The following RAB38 variants were observed in gnomAD, a reference collection of about 807,000 sequenced individuals.
RAB38 encodes ras-related protein Rab-38.
In RAB38, 15 loss-of-function variants were observed where a neutral mutation model predicts 18.4. The ratio of observed to expected loss-of-function variants is 0.82; its 90% CI spans 0.55 to 1.26. The LOEUF (loss-of-function observed/expected upper bound fraction) is 1.26, where lower values mean the gene tolerates loss of function less well. RAB38 is among the 50% of genes most tolerant of loss of function. The probability of loss-of-function intolerance (pLI) is 0.00; values close to 1 mark genes in which losing one functional copy is unlikely to be tolerated. For synonymous variants in RAB38, 101 were observed against 104.4 expected (o/e 0.97, Z 0.20); for missense variants, 294 against 267.4 (o/e 1.10, Z -0.69).
chr11:88,110,969 T>C (rs7107515), downstream of RAB38, among the ~76,000 whole-genome samples: 2,701 of 152,228 alleles, frequency 0.018, 44 homozygotes, highest in South Asian at 0.082. Flanking sequence ...GGTGAAACCC[T>C]GTCTCTACTA....
chr11:87,974,256 G>A, the RAB38 span, among the ~76,000 whole-genome samples: 11 of 151,610 alleles, frequency 7.3e-5, no homozygotes, highest in Non-Finnish European at 1.5e-4. Flanking sequence ...GAGAACATAT[G>A]GCAAAGCTCC....
At chr11:88,165,638 T>C (rs1943236407) in intron 1 of RAB38, 1 of 152,036 alleles carries the variant, frequency 6.6e-6, no homozygotes, top group Non-Finnish European at 1.5e-5. Context: ...AAATAATACA[T>C]CAGAATAACA....
chr11:87,875,401 A>G, the RAB38 span, among the ~76,000 whole-genome samples: 1 of 151,494 alleles, frequency 6.6e-6, no homozygotes, highest in Non-Finnish European at 1.5e-5. Context: ...ATTGAAAAAA[A>G]TATTTTCTCC....
chr11:88,006,768 A>G, the RAB38 span, among the ~76,000 whole-genome samples: 1 of 151,474 alleles, frequency 6.6e-6, no homozygotes, highest in African/African-American at 2.4e-5. Flanking sequence ...CAAATATCAC[A>G]TGATCTCAAT....
At chr11:88,172,539 A>G (rs901920790) in intron 1 of RAB38, among the ~76,000 whole-genome samples, 2 of 152,114 alleles carry the variant, frequency 1.3e-5, no homozygotes, top group African/African-American at 4.8e-5. Flanking sequence ...CTCATTGAAC[A>G]CCCACAACCT....
the RAB38 span, among the ~76,000 whole-genome samples, chr11:88,048,552 G>A: frequency 0.041 from 6,195 of 152,164 alleles, 162 homozygotes; most frequent in African/African-American, 0.075. Context: ...GCCTGTCCTC[G>A]GAATGCTACA....
chr11:88,158,291 A>C (rs770135536), intron 1 of RAB38, among the ~76,000 whole-genome samples: 3 of 152,132 alleles, frequency 2.0e-5, no homozygotes, highest in Non-Finnish European at 4.4e-5. Context: ...GTAATAAAGA[A>C]ACCTACCAAC....
the RAB38 span, among the ~76,000 whole-genome samples, chr11:88,052,682 T>C: frequency 6.6e-6 from 1 of 151,688 alleles, no homozygotes; most frequent in Non-Finnish European, 1.5e-5. Flanking sequence ...TTAATGACTA[T>C]GCTCCTGGCA....
At chr11:88,127,453 T>C (rs1323375474) in intron 2 of RAB38, among the ~76,000 whole-genome samples, 1 of 152,184 alleles carries the variant, frequency 6.6e-6, no homozygotes, top group East Asian at 1.9e-4. Flanking sequence ...AATGTTCCTC[T>C]TCACACAGTT....
chr11:88,138,852 G>A (rs766608903), intron 2 of RAB38, among the ~76,000 whole-genome samples: 8 of 150,886 alleles, frequency 5.3e-5, no homozygotes, highest in Non-Finnish European at 1.2e-4. Context: ...GCGCGATCTC[G>A]GCTCCCTGCA....
the RAB38 span, among the ~76,000 whole-genome samples, chr11:88,058,342 T>A: frequency 6.6e-6 from 1 of 152,144 alleles, no homozygotes; most frequent in Non-Finnish European, 1.5e-5. Flanking sequence ...CTTCAGACAG[T>A]CCTCCTTAAA....
the RAB38 span, among the ~76,000 whole-genome samples, chr11:87,913,079 A>G: frequency 8.1e-4 from 123 of 152,072 alleles, 1 homozygote; most frequent in African/African-American, 2.8e-3. Context: ...TCTATTACTG[A>G]ATTTATTAAA....
chr11:88,151,188 T>G (rs529967063), intron 1 of RAB38, among the ~76,000 whole-genome samples: 1 of 152,218 alleles, frequency 6.6e-6, no homozygotes, highest in African/African-American at 2.4e-5. Flanking sequence ...AATAATAATA[T>G]GTACTGCAGA....
the RAB38 span, among the ~76,000 whole-genome samples, chr11:87,958,396 G>A: frequency 2.0e-5 from 3 of 152,056 alleles, no homozygotes; most frequent in Admixed American, 1.3e-4. Context: ...CTCTGTCTTG[G>A]GCTCTGCTCT....
At chr11:87,944,277 CAAAA>C in the RAB38 span, among the ~76,000 whole-genome samples, 1 of 151,814 alleles carries the variant, frequency 6.6e-6, no homozygotes, top group African/African-American at 2.4e-5. Flanking sequence ...TGCAAACAAA[CAAAA>C]AAACAAAAAG....
chr11:87,808,420 C>T, the RAB38 span, among the ~76,000 whole-genome samples: 2 of 152,016 alleles, frequency 1.3e-5, no homozygotes, highest in African/African-American at 4.8e-5. Context: ...ATGGATGAAC[C>T]TCAAGGATAT....
the RAB38 span, among the ~76,000 whole-genome samples, chr11:88,095,461 C>T: frequency 6.6e-6 from 1 of 151,844 alleles, no homozygotes; most frequent in Admixed American, 6.6e-5. Flanking sequence ...TCTCATTTGG[C>T]TTCTAGGAAG....
At chr11:87,891,323 T>C in the RAB38 span, among the ~76,000 whole-genome samples, 5 of 150,346 alleles carry the variant, frequency 3.3e-5, no homozygotes, top group East Asian at 2.0e-4. Flanking sequence ...GAAAAAAATA[T>C]AGATATAATC....
chr11:87,820,753 A>G, the RAB38 span, among the ~76,000 whole-genome samples: 3 of 152,248 alleles, frequency 2.0e-5, no homozygotes, highest in Non-Finnish European at 4.4e-5. Context: ...AATCAGATCC[A>G]AATTATAAAA....
Sources: gnomAD v4.1 joint callset for allele counts (sites outside exome capture counted in the v4.1 genomes callset) on GRCh38, gnomAD v4.1.1 for gene constraint, MANE v1.5 for transcripts, NCBI Gene and HGNC (gene_info 2026-07-23, HGNC 2026-07-21) for gene names.